RNFT2: variants seen among roughly 807,000 people sequenced by gnomAD.
RNFT2 encodes E3 ubiquitin-protein ligase RNFT2.
RNFT2 carries 36 observed loss-of-function variants against 53.0 expected under a neutral mutation model. The observed-to-expected ratio is 0.68, with a 90% CI of 0.52 to 0.90. The LOEUF (loss-of-function observed/expected upper bound fraction) is 0.90. Ranked by LOEUF, RNFT2 falls within the 40% of genes least tolerant of loss-of-function variation. The probability of loss-of-function intolerance (pLI) is 0.00; values close to 1 mark genes in which losing one functional copy is unlikely to be tolerated. For synonymous variants in RNFT2, 260 were observed against 253.2 expected, an observed-to-expected ratio of 1.03 and a Z score of -0.26; for missense variants, 514 against 585.6, an observed-to-expected ratio of 0.88 and a Z score of 1.26.
At chr12:116,745,088 G>C (rs1045762743) in intron 3 of RNFT2, among the ~76,000 whole-genome samples, 1 of 151,616 alleles carries the variant, frequency 6.6e-6, no homozygotes, top group Admixed American at 6.6e-5. Flanking sequence ...GAGGAGGAGC[G>C]CATATTTCCT....
intron 4 of RNFT2, among the ~76,000 whole-genome samples, chr12:116,751,564 C>T (rs1872254020): frequency 6.6e-6 from 1 of 151,888 alleles, no homozygotes; most frequent in African/African-American, 2.4e-5. Flanking sequence ...CCACCACACC[C>T]AGCTAATTTT....
At chr12:116,776,863 G>A (rs1002031802) in intron 6 of RNFT2, among the ~76,000 whole-genome samples, 2 of 151,534 alleles carry the variant, frequency 1.3e-5, no homozygotes, top group East Asian at 3.9e-4. Context: ...CCGAGATGCT[G>A]CAGGAAGGTG....
intron 5 of RNFT2, among the ~76,000 whole-genome samples, chr12:116,765,126 G>A (rs369678850): frequency 3.9e-5 from 6 of 152,220 alleles, no homozygotes; most frequent in South Asian, 2.1e-4. Flanking sequence ...CTTAGGCGTC[G>A]CAGCTGATTA....
Position 116,852,147 on chromosome 12 carries a change from C to T in RNFT2, c.*2699C>T, listed in dbSNP as rs914714644. 9 of 1,063,462 alleles carry T rather than the reference C, an allele frequency of 8.5e-6. No homozygotes were observed. The African/African-American group carries it at 1.3e-4, about 15-fold the overall frequency. 65.9% of individuals were successfully genotyped at this position (1,063,462 alleles called of 1,614,324 possible). On this transcript the variant is annotated 3_prime_UTR_variant, in exon 11 of 11. Transcript: ENST00000257575. Reference sequence around the variant, plus strand: ...CCACCAGAATCTTGCCTGCCCTATTCCTCCTCCCAAGTCTGTTCTCTTATT... The same window carrying T: ...CCACCAGAATCTTGCCTGCCCTATTTCTCCTCCCAAGTCTGTTCTCTTATT...
At chr12:116,826,418 C>T (rs756441563) in intron 7 of RNFT2, among the ~76,000 whole-genome samples, 3 of 152,210 alleles carry the variant, frequency 2.0e-5, no homozygotes, top group African/African-American at 4.8e-5. Flanking sequence ...ATAATCTGAT[C>T]GTATTCCTTG....
At chr12:116,820,533 C>T (rs112439132) in intron 7 of RNFT2, among the ~76,000 whole-genome samples, 7 of 152,292 alleles carry the variant, frequency 4.6e-5, no homozygotes, top group African/African-American at 1.7e-4. Context: ...TCCTCACTTC[C>T]CCCACCAGGG....
At chr12:116,827,576 C>T (rs138783168) in intron 7 of RNFT2, among the ~76,000 whole-genome samples, 1 of 152,220 alleles carries the variant, frequency 6.6e-6, no homozygotes, top group Non-Finnish European at 1.5e-5. Flanking sequence ...AGGCCAAATA[C>T]GTCCTGCCAC....
chr12:116,753,583 T>C (rs1183937401), intron 4 of RNFT2, among the ~76,000 whole-genome samples: 1 of 152,210 alleles, frequency 6.6e-6, no homozygotes, highest in East Asian at 1.9e-4. Flanking sequence ...GCTTTATCCC[T>C]CTATGAGGTA....
intron 6 of RNFT2, 37 bp from the exon 7 acceptor site, chr12:116,779,158 T>C (rs771354229): frequency 1.9e-6 from 3 of 1,612,676 alleles, no homozygotes; most frequent in Non-Finnish European, 2.5e-6. Flanking sequence ...GGCCTGGCCC[T>C]AAGGGAACCT....
chr12:116,811,248 AG>A (rs1386009311), intron 7 of RNFT2, among the ~76,000 whole-genome samples: 50 of 152,252 alleles, frequency 3.3e-4, no homozygotes, highest in African/African-American at 1.1e-3. Context: ...CAAAAAAAAA[AG>A]AAATATTCCT....
chr12:116,761,192 A>G (rs915129120), intron 5 of RNFT2, among the ~76,000 whole-genome samples: 5 of 152,090 alleles, frequency 3.3e-5, no homozygotes, highest in African/African-American at 1.2e-4. Flanking sequence ...TCTGTTGCCC[A>G]GACTGGAGTG....
chr12:116,758,785 CTTAAGA>C (rs1872592373), intron 5 of RNFT2, among the ~76,000 whole-genome samples: 1 of 152,160 alleles, frequency 6.6e-6, no homozygotes, highest in African/African-American at 2.4e-5. Context: ...TCTCACAGCT[CTTAAGA>C]TTGTTTCCTT....
At chr12:116,836,097 T>A in intron 9 of RNFT2, 72 bp downstream of exon 9, 3 of 1,604,758 alleles carry the variant, frequency 1.9e-6, no homozygotes, top group Non-Finnish European at 1.7e-6. Context: ...GACCCCTTCC[T>A]CAGCCCACAG....
intron 7 of RNFT2, among the ~76,000 whole-genome samples, chr12:116,823,652 CCAGCCTGGGTAAA>C (rs1876174470): frequency 6.6e-6 from 1 of 152,166 alleles, no homozygotes; most frequent in African/African-American, 2.4e-5. Flanking sequence ...CCACTGCACT[CCAGCCTGGGTAAA>C]CAGCAAGACT....
chr12:116,758,973 C>G (rs1386227658), intron 5 of RNFT2, among the ~76,000 whole-genome samples: 1 of 152,102 alleles, frequency 6.6e-6, no homozygotes, highest in African/African-American at 2.4e-5. Context: ...TTTCAGAATT[C>G]TCTTCTTCAG....
At position 116,774,999 on chromosome 12, in the gene RNFT2, C is replaced by T. The variant is rs148461513; in HGVS notation, c.729-4196C>T. 5.9e-3 allele frequency among the ~76,000 whole-genome samples: 890 copies of T among 151,992 alleles called. 10 individuals are homozygous for T. Among genetic ancestry groups the T allele is most frequent in the African/African-American group, 0.02 (844 of 41,448 alleles). On this transcript the variant is annotated intron_variant, in intron 6 of 10. Coordinates refer to ENST00000257575, the MANE Select transcript of RNFT2 (RefSeq NM_001382266.1). ...GCAACAGGCCATGTGCGGTGGCTCA[C>T]GCCTGTAATCCAAGCACTTTGGGAG...
intron 7 of RNFT2, among the ~76,000 whole-genome samples, chr12:116,804,481 T>C (rs1337439316): frequency 1.3e-5 from 2 of 152,070 alleles, no homozygotes; most frequent in African/African-American, 2.4e-5. Flanking sequence ...TGTAATATTC[T>C]TTGGTTTATT....
At chr12:116,749,746 T>C in intron 3 of RNFT2, 95 bp from the exon 4 acceptor site, 1 of 1,115,220 alleles carries the variant, frequency 9.0e-7, no homozygotes, top group East Asian at 2.6e-5. Context: ...GCTCAACCCA[T>C]AACATAATTG....
intron 10 of RNFT2, among the ~76,000 whole-genome samples, chr12:116,848,171 T>G (rs1420505995): frequency 6.6e-6 from 1 of 152,196 alleles, no homozygotes; most frequent in Non-Finnish European, 1.5e-5. Context: ...GCAAAGGACA[T>G]GATCTCGTTC....
Sources: gnomAD v4.1 joint callset for allele counts (sites outside exome capture counted in the v4.1 genomes callset) on GRCh38, gnomAD v4.1.1 for gene constraint, MANE v1.5 for transcripts, NCBI Gene and HGNC (gene_info 2026-07-23, HGNC 2026-07-21) for gene names.